RBM5: variants seen among roughly 807,000 people sequenced by gnomAD.
The protein encoded by RBM5 is RNA-binding protein 5.
Under a neutral mutation model 124.6 loss-of-function variants are expected in RBM5, and 15 were observed. That is an observed-to-expected ratio of 0.12 (90% CI 0.08 to 0.19). The LOEUF (loss-of-function observed/expected upper bound fraction) is 0.19. Among genes scored for constraint, RBM5 ranks in the 10% least tolerant of loss-of-function variants. The probability of loss-of-function intolerance (pLI) is 1.00; values close to 1 mark genes in which losing one functional copy is unlikely to be tolerated. For missense variants in RBM5, 580 were observed against 1,026.5 expected, an observed-to-expected ratio of 0.57 and a Z score of 5.94; for synonymous variants, 337 against 361.2, an observed-to-expected ratio of 0.93 and a Z score of 0.76.
Position 50,110,747 on chromosome 3 carries a change from C to G in RBM5, c.1432C>G (p.Leu478Val). Reference sequence around the variant, plus strand: ...ATATTACTATGATCCGACAACAGGGCTCTATTATGACCCCAACTCGCAAGT... The same window carrying G: ...ATATTACTATGATCCGACAACAGGGGTCTATTATGACCCCAACTCGCAAGT... ...SGYYYDPTTG[L>V]YYDPNSQYYY... The change falls in exon 17 of 25, where the codon CTC (leucine) becomes GTC (valine). Residue 478 changes from leucine to valine, a missense_variant. Physicochemically the swap from Leu to Val is conservative, Grantham distance 32. This residue lies in a region of RBM5 where 234 missense variants were observed against 435.1 expected (regional missense o/e 0.54). Transcript: ENST00000347869. 2 of 1,612,600 alleles carry G rather than the reference C, an allele frequency of 1.2e-6. No homozygotes were observed. The highest frequency in any genetic ancestry group is 1.7e-6 in the Non-Finnish European group (2 of 1,178,874).
Position 50,105,538 on chromosome 3 carries a change from T to C in RBM5, c.695-11T>C, listed in dbSNP as rs1210160622. The C allele has an allele frequency of 6.2e-7, 1 of 1,612,060 alleles. No homozygotes were observed. Among genetic ancestry groups the C allele is most frequent in the East Asian group, 2.2e-5 (1 of 44,854 alleles). On this transcript the variant is annotated splice_polypyrimidine_tract_variant and intron_variant, in intron 9 of 24. Transcript: ENST00000347869. ...ATGCATGTGTATGTCATTTGTCTCA[T>C]TTACCCCTAGCGATCATTCTTCGGA...
At chr3:50,106,678 A>T in intron 10 of RBM5, 89 bp from the exon 11 acceptor site, 1 of 938,410 alleles carries the variant, frequency 1.1e-6, no homozygotes, top group Non-Finnish European at 1.7e-6. Context: ...TTTATTTTTT[A>T]ATAGAAAACT....
intron 7 of RBM5, among the ~76,000 whole-genome samples, chr3:50,103,807 A>T (rs914583363): frequency 6.6e-6 from 1 of 152,202 alleles, no homozygotes; most frequent in Non-Finnish European, 1.5e-5. Context: ...TGCTAAAGTT[A>T]TATAAGGTTT....
In RBM5 at chr3:50,114,058, TCTG is replaced by T; in HGVS notation, c.1731_1733del (p.Ala579del). ...CTTGAGGGAAGAAGAAAGGAGAGAA[TCTG>T]CTGCAGCAGACGCTGGCTTTGCTCT... On this transcript the variant is annotated inframe_deletion, in exon 19 of 25. Coordinates refer to ENST00000347869, the MANE Select transcript of RBM5 (RefSeq NM_005778.4). 6.2e-7 allele frequency: 1 copy of T among 1,614,210 alleles called. No homozygotes were observed. Among genetic ancestry groups the T allele is most frequent in the Non-Finnish European group, 8.5e-7 (1 of 1,180,036 alleles).
At chr3:50,094,069 A>G in intron 4 of RBM5, 194 bp downstream of exon 4, 1 of 507,552 alleles carries the variant, frequency 2.0e-6, no homozygotes, top group Non-Finnish European at 3.5e-6. Context: ...AAACATTTGC[A>G]TTTACATAAG....
chr3:50,104,770 G>T, intron 8 of RBM5: 1 of 334,766 alleles, frequency 3.0e-6, no homozygotes, highest in Non-Finnish European at 5.5e-6. Context: ...GTTAGATAAT[G>T]CTGCTCATGA....
rs201739036 is a variant in RBM5, at chr3:50,103,213, G to C, written c.567+47G>C. The C allele has an allele frequency of 3.5e-6, 5 of 1,416,386 alleles. No individual in the cohort carries two copies. In the South Asian group the frequency reaches 5.9e-5, roughly 17 times the overall value. 87.7% of individuals were successfully genotyped at this position (1,416,386 alleles called of 1,614,324 possible). A position where few individuals can be genotyped will look rare whatever the true frequency, so the allele number is the denominator to read the frequency against. On this transcript the variant is annotated intron_variant, in intron 7 of 24. Coordinates refer to ENST00000347869, the MANE Select transcript of RBM5 (RefSeq NM_005778.4). ...ATAGACAAAACTCCTTTAGGATATT[G>C]CTGTTTTTTTCTGTTTGTTTATTTG...
chr3:50,111,519 G>A (rs940515989), intron 17 of RBM5, among the ~76,000 whole-genome samples: 2 of 152,032 alleles, frequency 1.3e-5, no homozygotes, highest in Non-Finnish European at 2.9e-5. Context: ...TGGTAGCTGG[G>A]ATTACAGGCG....
chr3:50,118,170 A>G (rs377735897), intron 24 of RBM5, 161 bp from the exon 25 acceptor site: 11 of 988,698 alleles, frequency 1.1e-5, no homozygotes, highest in East Asian at 1.1e-4. Context: ...TCCAGTCCTT[A>G]TACTTGCTCC....
Position 50,108,105 on chromosome 3 carries a change from T to C in RBM5, c.1077T>C (p.Ser359=), listed in dbSNP as rs1221240936. ...GTGAAGGAGGCAGTGTTGACTACAG[T>C]TATCTGCAACCAGGTCAAGATGGCT... The part of the protein sequence containing the change: ...QSGEGGSVDY[S]YLQPGQDGYA... The change falls in exon 13 of 25, where the codon AGT becomes AGC. Residue 359 remains serine (S), a synonymous_variant. Coordinates refer to ENST00000347869, the MANE Select transcript of RBM5 (RefSeq NM_005778.4). 1.2e-6 allele frequency: 2 copies of C among 1,611,758 alleles called. No homozygotes were observed. Among genetic ancestry groups the C allele is most frequent in the African/African-American group, 2.7e-5 (2 of 74,876 alleles).
At chr3:50,091,918 T>A in intron 2 of RBM5, 125 bp from the exon 3 acceptor site, 1 of 985,974 alleles carries the variant, frequency 1.0e-6, no homozygotes, top group Admixed American at 2.4e-5. Flanking sequence ...GGTAATACTT[T>A]TTAACACTTT....
At chr3:50,109,934 C>T (rs996211360) in intron 15 of RBM5, 12 of 369,656 alleles carry the variant, frequency 3.2e-5, no homozygotes, top group South Asian at 2.4e-4. Flanking sequence ...TCGCCGGGGC[C>T]GGGTGTGGTG....
At chr3:50,103,272 C>G (rs2090974083) in intron 7 of RBM5, 106 bp downstream of exon 7, 2 of 899,976 alleles carry the variant, frequency 2.2e-6, no homozygotes, top group Non-Finnish European at 3.6e-6. Context: ...ACTCAATCAT[C>G]AGTAATATTC....
chr3:50,094,460 A>C (rs1275674427), intron 4 of RBM5: 4 of 152,146 alleles, frequency 2.6e-5, no homozygotes. Flanking sequence ...TTTTATACAC[A>C]AAACAATGTG....
intron 4 of RBM5, among the ~76,000 whole-genome samples, chr3:50,096,231 G>A (rs1261989139): frequency 1.3e-5 from 2 of 151,682 alleles, no homozygotes; most frequent in Non-Finnish European, 2.9e-5. Flanking sequence ...ACTCATGCCT[G>A]TAATCCCAGC....
chr3:50,092,943 CTTTTTTTTTTTTTTTTT>C, intron 3 of RBM5: 3 of 77,902 alleles, frequency 3.9e-5, no homozygotes, highest in East Asian at 4.4e-4. Context: ...CTTGATATAT[CTTTTTTTTTTTTTTTTT>C]TTTTTTTTTT....
chr3:50,099,903 C>T, intron 4 of RBM5, 79 bp from the exon 5 acceptor site: 3 of 1,220,568 alleles, frequency 2.5e-6, no homozygotes, highest in Non-Finnish European at 2.2e-6. Context: ...GCTAATTAAA[C>T]AGTTGATGTA....
chr3:50,113,808 C>A, intron 18 of RBM5, 142 bp from the exon 19 acceptor site: 1 of 1,059,652 alleles, frequency 9.4e-7, no homozygotes, highest in Non-Finnish European at 1.4e-6. Context: ...GTGATAACAT[C>A]TAATGGAAAT....
At chr3:50,103,016 C>G in intron 6 of RBM5, 67 bp from the exon 7 acceptor site, 1 of 1,293,918 alleles carries the variant, frequency 7.7e-7, no homozygotes. Flanking sequence ...CCGAAGTGTG[C>G]TCTGCCCTGG....
Sources: gnomAD v4.1 joint callset for allele counts (sites outside exome capture counted in the v4.1 genomes callset) on GRCh38, gnomAD v4.1.1 for gene constraint, gnomAD v4.1.1 regional missense constraint, MANE v1.5 for transcripts, NCBI Gene and HGNC (gene_info 2026-07-23, HGNC 2026-07-21) for gene names.